ZNF521: variants seen among roughly 807,000 people sequenced by gnomAD.
ZNF521 encodes the protein LYST-interacting protein 3.
ZNF521 carries 14 observed loss-of-function variants against 105.5 expected under a neutral mutation model. The ratio of observed to expected loss-of-function variants is 0.13; its 90% CI spans 0.09 to 0.21. The LOEUF is 0.21. Among genes scored for constraint, ZNF521 ranks in the 10% least tolerant of loss-of-function variants. ZNF521 has a pLI of 1.00. For synonymous variants in ZNF521, 635 were observed against 606.0 expected (o/e 1.05, Z -0.70); for missense variants, 1,233 against 1,629.7 (o/e 0.76, Z 4.19).
At chr18:25,351,555 T>G (rs1232051414) in intron 1 of ZNF521, 1 of 151,354 alleles carries the variant, frequency 6.6e-6, no homozygotes, top group Non-Finnish European at 1.5e-5. Flanking sequence ...AAATCGACCC[T>G]GCAAGGCGAT....
At chr18:25,204,025 C>T (rs2036037265) in intron 4 of ZNF521, among the ~76,000 whole-genome samples, 1 of 152,140 alleles carries the variant, frequency 6.6e-6, no homozygotes. Context: ...CTATTGCTCC[C>T]GTTCTTCCCA....
chr18:25,107,879 A>G (rs2034104981), intron 5 of ZNF521, among the ~76,000 whole-genome samples: 1 of 152,148 alleles, frequency 6.6e-6, no homozygotes, highest in South Asian at 2.1e-4. Flanking sequence ...GGCTGCAAAA[A>G]TCTTCTGGGG....
chr18:25,174,439 G>A (rs935460888), intron 5 of ZNF521, among the ~76,000 whole-genome samples: 2 of 152,136 alleles, frequency 1.3e-5, no homozygotes, highest in Admixed American at 6.5e-5. Flanking sequence ...CTCATAAGGG[G>A]ACCCAGGATT....
At chr18:25,173,509 C>A (rs969263901) in intron 5 of ZNF521, among the ~76,000 whole-genome samples, 2 of 152,278 alleles carry the variant, frequency 1.3e-5, no homozygotes, top group South Asian at 2.1e-4. Flanking sequence ...AGGCAACCAC[C>A]CCACGTGCAC....
intron 2 of ZNF521, among the ~76,000 whole-genome samples, chr18:25,332,508 T>C (rs564497484): frequency 1.3e-5 from 2 of 152,104 alleles, no homozygotes; most frequent in Non-Finnish European, 2.9e-5. Flanking sequence ...GGTTCCTTCA[T>C]CCTGATAAAC....
chr18:25,147,798 T>C lies in ZNF521; in HGVS notation c.3658+47362A>G, dbSNP rs1027798230. Reference sequence around the variant, plus strand: ...CCATCTTCAGATAACACTCTGTTTATAATCTTTCGTGCAGAAAGAATTTTT... The same window carrying C: ...CCATCTTCAGATAACACTCTGTTTACAATCTTTCGTGCAGAAAGAATTTTT... On this transcript the variant is annotated intron_variant, in intron 5 of 7. Coordinates refer to ENST00000361524, the MANE Select transcript of ZNF521 (RefSeq NM_015461.3). Among the ~76,000 whole-genome samples the C allele has an allele frequency of 2.6e-5, 4 of 152,352 alleles. No individual in the cohort carries two copies. The South Asian group carries it at 6.2e-4, about 24-fold the overall frequency.
At chr18:25,080,014 G>A (rs965742523) in intron 7 of ZNF521, among the ~76,000 whole-genome samples, 4 of 152,196 alleles carry the variant, frequency 2.6e-5, no homozygotes, top group African/African-American at 7.2e-5. Context: ...TTTTATGGGC[G>A]CTTTGGGTTT....
At chr18:25,265,454 A>T (rs552158069) in intron 3 of ZNF521, among the ~76,000 whole-genome samples, 2 of 152,292 alleles carry the variant, frequency 1.3e-5, no homozygotes, top group African/African-American at 4.8e-5. Flanking sequence ...CTGATATCAG[A>T]ACCCTCTTAG....
chr18:25,133,700 C>T (rs142061960), intron 5 of ZNF521, among the ~76,000 whole-genome samples: 153 of 152,218 alleles, frequency 1.0e-3, no homozygotes, highest in African/African-American at 3.5e-3. Context: ...ACTTTATTAT[C>T]ATCAATTTAT....
chr18:25,112,451 T>A (rs2034210751), intron 5 of ZNF521, among the ~76,000 whole-genome samples: 1 of 152,176 alleles, frequency 6.6e-6, no homozygotes, highest in Non-Finnish European at 1.5e-5. Flanking sequence ...TCTGAGCTCA[T>A]GCCCAGAAGC....
At chr18:25,269,115 A>AC (rs1909469685) in intron 3 of ZNF521, among the ~76,000 whole-genome samples, 1 of 151,508 alleles carries the variant, frequency 6.6e-6, no homozygotes, top group African/African-American at 2.4e-5. Flanking sequence ...GCAAAAAAAA[A>AC]AAAAAAAAGC....
intron 3 of ZNF521, among the ~76,000 whole-genome samples, chr18:25,288,572 T>TAA (rs151130883): frequency 2.8e-5 from 3 of 106,930 alleles, no homozygotes; most frequent in African/African-American, 6.7e-5. Flanking sequence ...TTATAACACT[T>TAA]AAAAAAAAAA....
chr18:25,339,540 T>C (rs1019114111), intron 2 of ZNF521, among the ~76,000 whole-genome samples: 3 of 152,230 alleles, frequency 2.0e-5, no homozygotes, highest in Non-Finnish European at 2.9e-5. Flanking sequence ...TACCAGGATA[T>C]AGACAATATG....
intron 5 of ZNF521, among the ~76,000 whole-genome samples, chr18:25,122,976 A>G (rs183821839): frequency 9.9e-4 from 151 of 152,182 alleles, no homozygotes; most frequent in African/African-American, 3.4e-3. Context: ...TCAAATATAG[A>G]GCCCTTAACT....
intron 5 of ZNF521, among the ~76,000 whole-genome samples, chr18:25,099,478 T>C (rs2033921964): frequency 6.6e-6 from 1 of 152,166 alleles, no homozygotes; most frequent in Non-Finnish European, 1.5e-5. Context: ...AAGAAACTGA[T>C]AAGCCAAAAC....
In ZNF521 at chr18:25,212,538, A is replaced by AATATAT. The variant is rs1279194731; in HGVS notation, c.3573+11801_3573+11806dup. Among the ~76,000 whole-genome samples, 366 of 48,090 alleles carry AATATAT rather than the reference A, an allele frequency of 7.6e-3. 6 individuals are homozygous for AATATAT. The highest frequency in any genetic ancestry group is 0.018 in the South Asian group (18 of 978). The allele number at this position is 48,090 out of a possible 152,430, so 31.5% of individuals were successfully genotyped here. On this transcript the variant is annotated intron_variant, in intron 4 of 7. Transcript: ENST00000361524. ...AAAAAAAAAAAAAAAAAAAAAAAAA[A>AATATAT]ATATATATATATATATATATATATA...
At chr18:25,298,118 C>T (rs1911428158) in intron 3 of ZNF521, among the ~76,000 whole-genome samples, 1 of 152,142 alleles carries the variant, frequency 6.6e-6, no homozygotes, top group Non-Finnish European at 1.5e-5. Context: ...CTCTTAATTA[C>T]TGTTGAGTTA....
chr18:25,158,968 AG>A (rs1173171971), intron 5 of ZNF521, among the ~76,000 whole-genome samples: 1 of 151,560 alleles, frequency 6.6e-6, no homozygotes, highest in Non-Finnish European at 1.5e-5. Flanking sequence ...AAAAAAAAAA[AG>A]AAAGGTAAAA....
intron 2 of ZNF521, among the ~76,000 whole-genome samples, chr18:25,338,383 T>C (rs907490084): frequency 2.0e-5 from 3 of 151,870 alleles, no homozygotes; most frequent in African/African-American, 7.3e-5. Context: ...GACATATTAC[T>C]GTTTTCACAA....
Sources: gnomAD v4.1 joint callset for allele counts (sites outside exome capture counted in the v4.1 genomes callset) on GRCh38, gnomAD v4.1.1 for gene constraint, MANE v1.5 for transcripts, NCBI Gene and HGNC (gene_info 2026-07-23, HGNC 2026-07-21) for gene names.